ZEB2: variants seen among roughly 807,000 people sequenced by gnomAD.
ZEB2 encodes zinc finger E-box binding homeobox 2.
A neutral mutation model predicts 99.9 loss-of-function variants in ZEB2; 6 were observed. That is an observed-to-expected ratio of 0.06 (90% CI 0.03 to 0.12). The LOEUF (loss-of-function observed/expected upper bound fraction) is 0.12, where lower values mean the gene tolerates loss of function less well. ZEB2 is among the 10% of genes least tolerant of loss of function. The pLI is 1.00. For missense variants in ZEB2, 969 were observed against 1,502.8 expected (o/e 0.64, Z 5.87); for synonymous variants, 517 against 542.5 (o/e 0.95, Z 0.65).
intron 2 of ZEB2, among the ~76,000 whole-genome samples, chr2:144,501,250 T>C (rs1704864773): frequency 6.6e-6 from 1 of 152,186 alleles, no homozygotes; most frequent in Non-Finnish European, 1.5e-5. Context: ...ATACACTGCA[T>C]TGGTATCGTA....
chr2:144,443,459 AATTT>A (rs958795738), intron 2 of ZEB2, among the ~76,000 whole-genome samples: 1 of 152,180 alleles, frequency 6.6e-6, no homozygotes, highest in Non-Finnish European at 1.5e-5. Flanking sequence ...TGATACTGTA[AATTT>A]ATTATACTTC....
chr2:144,393,907 A>AGTTT lies in ZEB2; in HGVS notation c.3067+2501_3067+2504dup, dbSNP rs146248972. Among the ~76,000 whole-genome samples, 400 of 152,222 alleles carry AGTTT rather than the reference A, an allele frequency of 2.6e-3. 2 individuals carry two copies. Among genetic ancestry groups the AGTTT allele is most frequent in the African/African-American group, 8.7e-3 (361 of 41,524 alleles). On this transcript the variant is annotated intron_variant, in intron 9 of 9. Coordinates refer to ENST00000627532, the MANE Select transcript of ZEB2 (RefSeq NM_014795.4). ...AGTTTATTTTTACTTTAAAAAACAA[A>AGTTT]GTTTGTTTGTTTATTTATTTATTTA...
At chr2:144,447,308 T>C (rs1703998412) in intron 2 of ZEB2, among the ~76,000 whole-genome samples, 1 of 152,160 alleles carries the variant, frequency 6.6e-6, no homozygotes, top group African/African-American at 2.4e-5. Context: ...AATCAATAAG[T>C]AGTTCATAAA....
In ZEB2 at chr2:144,506,797, T is replaced by A. The variant is rs184071990; in HGVS notation, c.73+10481A>T. ...CATATTTGGGAGGAGGGGGTGGCTATCATCTTGTCAGGAGTACCTTTCCTT... is the reference window on the plus strand; with the variant it reads ...CATATTTGGGAGGAGGGGGTGGCTAACATCTTGTCAGGAGTACCTTTCCTT... On this transcript the variant is annotated intron_variant, in intron 2 of 9. Coordinates refer to ENST00000627532, the MANE Select transcript of ZEB2 (RefSeq NM_014795.4). Among the ~76,000 whole-genome samples the A allele has an allele frequency of 3.3e-5, 5 of 152,304 alleles. No individual in the cohort carries two copies. The East Asian group carries it at 9.6e-4, about 29-fold the overall frequency.
At chr2:144,437,147 G>A (rs970325064) in intron 2 of ZEB2, among the ~76,000 whole-genome samples, 1 of 152,008 alleles carries the variant, frequency 6.6e-6, no homozygotes, top group Non-Finnish European at 1.5e-5. Context: ...AATTTTTTCA[G>A]CTTCACTTTC....
chr2:144,400,863 AAT>A (rs1703300994), intron 7 of ZEB2, among the ~76,000 whole-genome samples: 1 of 152,212 alleles, frequency 6.6e-6, no homozygotes, highest in African/African-American at 2.4e-5. Flanking sequence ...CTCAAAAATT[AAT>A]ATCTTTCAGA....
chr2:144,425,556 A>G (rs1703681251), intron 3 of ZEB2, among the ~76,000 whole-genome samples: 1 of 152,192 alleles, frequency 6.6e-6, no homozygotes, highest in Non-Finnish European at 1.5e-5. Context: ...AACATATATA[A>G]CAACAGCTCA....
Position 144,396,565 on chromosome 2 carries a change from A to G in ZEB2, c.2914T>C (p.Tyr972His), listed in dbSNP as rs773369288. Residue 972 changes from tyrosine to histidine, a missense_variant, in exon 9 of 10, where the codon TAC (tyrosine) becomes CAC (histidine). Tyr to His is a moderately conservative substitution (Grantham distance 83). Around this residue, in one of 8 missense-constraint regions of ZEB2, gnomAD observed 346 missense variants for 460.0 expected, o/e 0.75. Transcript: ENST00000627532. ...GTCATATCATCTAGGCCTGACATGT[A>G]GTCTTGTGCTCCATCAAGCAATTCT... ...QGELLDGAQDYMSGLDDMTDS... is the reference protein window; with the variant it reads ...QGELLDGAQDHMSGLDDMTDS... 2 of 1,613,944 alleles carry G rather than the reference A, an allele frequency of 1.2e-6. No individual in the cohort carries two copies. Among genetic ancestry groups the G allele is most frequent in the Non-Finnish European group, 1.7e-6 (2 of 1,179,970 alleles).
At chr2:144,416,565 G>A (rs1239253254) in intron 4 of ZEB2, among the ~76,000 whole-genome samples, 2 of 152,022 alleles carry the variant, frequency 1.3e-5, no homozygotes, top group African/African-American at 4.8e-5. Context: ...TGTATTCCTT[G>A]GATCATCTTA....
chr2:144,501,043 G>C (rs997265431), intron 2 of ZEB2, among the ~76,000 whole-genome samples: 7 of 150,608 alleles, frequency 4.6e-5, no homozygotes, highest in African/African-American at 1.7e-4. Context: ...ATATGAAGCA[G>C]AGCCTGTTCC....
chr2:144,451,668 T>C (rs997491611), intron 2 of ZEB2, among the ~76,000 whole-genome samples: 3 of 152,242 alleles, frequency 2.0e-5, no homozygotes, highest in Admixed American at 6.5e-5. Context: ...TTACCTCCCA[T>C]TGCAGTTTCA....
intron 2 of ZEB2, chr2:144,516,014 G>C (rs990070697): frequency 6.6e-6 from 1 of 152,204 alleles, no homozygotes; most frequent in Non-Finnish European, 1.5e-5. Flanking sequence ...GCGCGGGCTG[G>C]GGCTGCGGAG....
At chr2:144,449,813 C>T (rs935317899) in intron 2 of ZEB2, 3 of 152,192 alleles carry the variant, frequency 2.0e-5, no homozygotes, top group Non-Finnish European at 2.9e-5. Flanking sequence ...CCAACTGAGT[C>T]GGGGCAGTGT....
At chr2:144,396,663 G>A in intron 8 of ZEB2, 71 bp from the exon 9 acceptor site, 1 of 1,529,980 alleles carries the variant, frequency 6.5e-7, no homozygotes, top group Non-Finnish European at 8.9e-7. Flanking sequence ...TCACATAGGG[G>A]GACATTTGGA....
chr2:144,465,890 C>G (rs952207530), intron 2 of ZEB2, among the ~76,000 whole-genome samples: 4 of 152,124 alleles, frequency 2.6e-5, no homozygotes, highest in Non-Finnish European at 5.9e-5. Context: ...TAAGACAGGC[C>G]TAGAGCAACT....
intron 3 of ZEB2, among the ~76,000 whole-genome samples, chr2:144,425,258 C>A (rs1703676588): frequency 6.6e-6 from 1 of 152,204 alleles, no homozygotes; most frequent in South Asian, 2.1e-4. Context: ...TGCTTAGTGG[C>A]AAGTCAGAAT....
At chr2:144,494,168 A>T (rs1704727045) in intron 2 of ZEB2, 1 of 151,870 alleles carries the variant, frequency 6.6e-6, no homozygotes, top group Admixed American at 6.6e-5. Context: ...AAAAAAAAAA[A>T]AAAAAAAATA....
chr2:144,438,941 A>T (rs1273555225), intron 2 of ZEB2, among the ~76,000 whole-genome samples: 1 of 152,136 alleles, frequency 6.6e-6, no homozygotes, highest in African/African-American at 2.4e-5. Context: ...GACATGGCAG[A>T]CACAAAAGCT....
At chr2:144,411,794 G>C (rs979652517) in intron 4 of ZEB2, among the ~76,000 whole-genome samples, 2 of 152,208 alleles carry the variant, frequency 1.3e-5, no homozygotes, top group Non-Finnish European at 2.9e-5. Context: ...TCAGGAGAGC[G>C]AGGTGAAGAG....
Sources: allele counts gnomAD v4.1 joint callset (sites outside exome capture counted in the v4.1 genomes callset), GRCh38; gene constraint gnomAD v4.1.1; regional missense constraint gnomAD v4.1.1; transcripts MANE v1.5; gene names NCBI Gene and HGNC (gene_info 2026-07-23, HGNC 2026-07-21).